The following ODAD2 variants were observed in gnomAD, a reference collection of about 807,000 sequenced individuals.
The protein encoded by ODAD2 is outer dynein arm docking complex subunit 2, also known as outer dynein arm-docking complex subunit 2.
Under a neutral mutation model 106.8 loss-of-function variants are expected in ODAD2, and 89 were observed. The observed-to-expected ratio is 0.83, with a 90% CI of 0.70 to 0.99. The LOEUF (loss-of-function observed/expected upper bound fraction) is 0.99, where lower values mean the gene tolerates loss of function less well. Ranked by LOEUF, ODAD2 falls within the 50% of genes least tolerant of loss-of-function variation. ODAD2 has a pLI of 0.00. For synonymous variants in ODAD2, 404 were observed against 436.2 expected (o/e 0.93, Z 0.92); for missense variants, 1,168 against 1,238.5 (o/e 0.94, Z 0.85).
chr10:27,987,258 C>T (rs1849928212), intron 3 of ODAD2, 128 bp downstream of exon 3: 5 of 788,590 alleles, frequency 6.3e-6, no homozygotes, highest in Non-Finnish European at 9.6e-6. Flanking sequence ...GTACATTTGA[C>T]TTTTTACCTT....
chr10:27,987,313 C>T (rs1849932513), intron 3 of ODAD2, 73 bp downstream of exon 3: 2 of 1,401,820 alleles, frequency 1.4e-6, no homozygotes, highest in Admixed American at 3.9e-5. Context: ...AAATGATCCT[C>T]CCACCCTTTC....
intron 7 of ODAD2, among the ~76,000 whole-genome samples, chr10:27,980,026 C>A (rs1849447177): frequency 6.6e-6 from 1 of 152,162 alleles, no homozygotes; most frequent in Non-Finnish European, 1.5e-5. Context: ...GTAAACTCTT[C>A]CATCTATGAT....
In ODAD2 at chr10:27,837,980, T is replaced by TG. The variant is rs1258627651; in HGVS notation, c.3021+22644dup. 4.6e-5 allele frequency among the ~76,000 whole-genome samples: 7 copies of TG among 152,184 alleles called. No individual in the cohort carries two copies. The East Asian group carries it at 1.3e-3, about 29-fold the overall frequency. On this transcript the variant is annotated intron_variant, in intron 19 of 19. Transcript: ENST00000305242. ...GACATCTTACCCCACGGCGATGGAT[T>TG]GGGAAACACAGAGAACAAAGATCCT...
rs190322402 is a variant in ODAD2, at chr10:27,834,356, A to G, written c.3022-21731T>C. 4.6e-5 allele frequency among the ~76,000 whole-genome samples: 7 copies of G among 152,324 alleles called. No homozygotes were observed. The East Asian group carries it at 7.7e-4, about 17-fold the overall frequency. ...AGGCGCTATCCCTTGGCCTTCTGGA[A>G]TAGACATACAACCCGTGACACCACA... is the stretch of plus-strand genomic sequence containing the variant. On this transcript the variant is annotated intron_variant, in intron 19 of 19. Transcript: ENST00000305242.
At chr10:27,854,008 C>T (rs1839477269) in intron 19 of ODAD2, among the ~76,000 whole-genome samples, 1 of 152,056 alleles carries the variant, frequency 6.6e-6, no homozygotes, top group Admixed American at 6.6e-5. Context: ...GGTAAGCAAC[C>T]AGAATGTATA....
rs184704340 is a variant in ODAD2 at position 27,897,941 on chromosome 10, C to A, written c.2610+9722G>T. Among the ~76,000 whole-genome samples, 362 of 151,842 alleles carry A rather than the reference C, an allele frequency of 2.4e-3. 2 individuals are homozygous for A. The highest frequency in any genetic ancestry group is 4.4e-3 in the Non-Finnish European group (299 of 67,960). ...GGTCATGTTTTAGGCTGCTTGCATA[C>A]GAGACCAGCCAGATATTCAGGAAAG... On this transcript the variant is annotated intron_variant, in intron 17 of 19. Coordinates refer to ENST00000305242, the MANE Select transcript of ODAD2 (RefSeq NM_018076.5).
intron 10 of ODAD2, among the ~76,000 whole-genome samples, chr10:27,955,746 A>G (rs2132764476): frequency 7.3e-6 from 1 of 137,414 alleles, no homozygotes; most frequent in Middle Eastern, 3.8e-3. Flanking sequence ...TGTGTGTTTA[A>G]TCAGTTTACA....
At chr10:27,834,376 A>G (rs1316123525) in intron 19 of ODAD2, among the ~76,000 whole-genome samples, 1 of 152,154 alleles carries the variant, frequency 6.6e-6, no homozygotes, top group Non-Finnish European at 1.5e-5. Context: ...AACCCGTGAC[A>G]CCACAGGCAT....
At chr10:27,849,617 G>A (rs1206239704) in intron 19 of ODAD2, among the ~76,000 whole-genome samples, 1 of 151,704 alleles carries the variant, frequency 6.6e-6, no homozygotes, top group Non-Finnish European at 1.5e-5. Context: ...AGCTCCCCAT[G>A]GAAAACTTAA....
chr10:27,888,619 A>G (rs1003865200), intron 17 of ODAD2, among the ~76,000 whole-genome samples: 3 of 151,952 alleles, frequency 2.0e-5, no homozygotes, highest in Admixed American at 6.6e-5. Flanking sequence ...AGGTTTGTCT[A>G]TTTATTCCGT....
chr10:27,826,758 C>A (rs1183838067), intron 19 of ODAD2, among the ~76,000 whole-genome samples: 1 of 152,056 alleles, frequency 6.6e-6, no homozygotes, highest in Non-Finnish European at 1.5e-5. Context: ...ATTTTCACTG[C>A]CTCTTTCACC....
intron 2 of ODAD2, 38 bp from the exon 3 acceptor site, chr10:27,987,581 AC>A: frequency 6.7e-7 from 1 of 1,488,756 alleles, no homozygotes; most frequent in Middle Eastern, 1.9e-4. Context: ...GCTTCATGCT[AC>A]CTAGAGGTCA....
At chr10:27,878,267 A>C (rs1841477148) in intron 17 of ODAD2, among the ~76,000 whole-genome samples, 1 of 152,212 alleles carries the variant, frequency 6.6e-6, no homozygotes, top group Non-Finnish European at 1.5e-5. Flanking sequence ...AACAAAATCA[A>C]ACAGATTGCA....
chr10:27,871,071 A>G lies in ODAD2; in HGVS notation c.2611-8449T>C, dbSNP rs539291253. Among the ~76,000 whole-genome samples the G allele has an allele frequency of 2.0e-5, 3 of 152,208 alleles. No homozygotes were observed. In the East Asian group the frequency reaches 5.8e-4, roughly 29 times the overall value. On this transcript the variant is annotated intron_variant, in intron 17 of 19. Transcript: ENST00000305242. ...TCTAACTGGTGTGAGATGGTATCTCATTGTGGTTTTGATTTGTACTTCTCT... is the reference window on the plus strand; with the variant it reads ...TCTAACTGGTGTGAGATGGTATCTCGTTGTGGTTTTGATTTGTACTTCTCT...
At chr10:27,989,600 C>G (rs1045540339) in intron 2 of ODAD2, among the ~76,000 whole-genome samples, 1 of 152,196 alleles carries the variant, frequency 6.6e-6, no homozygotes, top group Non-Finnish European at 1.5e-5. Flanking sequence ...GAGTGAAACT[C>G]CTGGTGAGAA....
intron 7 of ODAD2, among the ~76,000 whole-genome samples, chr10:27,973,861 T>C (rs1849019076): frequency 6.6e-6 from 1 of 152,218 alleles, no homozygotes. Flanking sequence ...ATTGCCACAC[T>C]GTTTTCCACA....
chr10:27,977,871 C>T (rs1246115989), intron 7 of ODAD2, among the ~76,000 whole-genome samples: 1 of 152,142 alleles, frequency 6.6e-6, no homozygotes, highest in Non-Finnish European at 1.5e-5. Flanking sequence ...AAAAGACTGA[C>T]CATATCAGTT....
chr10:27,871,574 G>A (rs925072455), intron 17 of ODAD2, among the ~76,000 whole-genome samples: 3 of 152,114 alleles, frequency 2.0e-5, no homozygotes, highest in Non-Finnish European at 2.9e-5. Context: ...TTCTACATAT[G>A]GCTAGCCAGT....
rs1034097432 is a variant in ODAD2 at position 27,814,422 on chromosome 10, G to T, written c.3022-1797C>A. The stretch of plus-strand genomic sequence containing the variant: ...GCAAAACATTTAGAAGGTTGTATAT[G>T]AGAATATCTTGTTCAAATTGGGTCA... On this transcript the variant is annotated intron_variant, in intron 19 of 19. Coordinates refer to ENST00000305242, the MANE Select transcript of ODAD2 (RefSeq NM_018076.5). Among the ~76,000 whole-genome samples the T allele has an allele frequency of 1.1e-3, 172 of 152,208 alleles. 3 individuals are homozygous for T. The highest frequency in any genetic ancestry group is 1.8e-4 in the Non-Finnish European group (12 of 68,036).
Sources: allele counts gnomAD v4.1 joint callset (sites outside exome capture counted in the v4.1 genomes callset), GRCh38; gene constraint gnomAD v4.1.1; transcripts MANE v1.5; gene names NCBI Gene and HGNC (gene_info 2026-07-23, HGNC 2026-07-21).